The following PIK3C2G variants were observed in gnomAD, a reference collection of about 807,000 sequenced individuals.
PIK3C2G encodes phosphatidylinositol-4-phosphate 3-kinase catalytic subunit type 2 gamma, also known as phosphatidylinositol 3-kinase C2 domain-containing subunit gamma.
PIK3C2G carries 168 observed loss-of-function variants against 181.1 expected under a neutral mutation model. The observed-to-expected ratio is 0.93, with a 90% confidence interval of 0.82 to 1.05. The LOEUF is 1.05. Among genes scored for constraint, PIK3C2G ranks in the 50% least tolerant of loss-of-function variants. The pLI, the probability that PIK3C2G is intolerant of heterozygous loss-of-function variation, is 0.00. For missense variants in PIK3C2G, 1,869 were observed against 1,732.8 expected, an observed-to-expected ratio of 1.08 and a Z score of -1.40; for synonymous variants, 573 against 592.2, an observed-to-expected ratio of 0.97 and a Z score of 0.47.
intron 30 of PIK3C2G, among the ~76,000 whole-genome samples, chr12:18,600,424 T>C (rs115711146): frequency 0.012 from 1,896 of 152,046 alleles, 50 homozygotes; most frequent in African/African-American, 0.043. Flanking sequence ...CAGAGGAATA[T>C]TGGAATAAAA....
At chr12:18,262,410 T>C (rs1024197950) in intron 1 of PIK3C2G, among the ~76,000 whole-genome samples, 2 of 152,078 alleles carry the variant, frequency 1.3e-5, no homozygotes, top group Non-Finnish European at 2.9e-5. Context: ...AAAGAACACA[T>C]ACCCCTCATG....
At chr12:18,317,406 A>T (rs1049670716) in intron 6 of PIK3C2G, among the ~76,000 whole-genome samples, 2 of 152,154 alleles carry the variant, frequency 1.3e-5, no homozygotes, top group Admixed American at 6.5e-5. Flanking sequence ...ACTTCCAGGA[A>T]CTGGGATAAG....
At chr12:18,685,617 A>C in the PIK3C2G span, 7 of 516,404 alleles carry the variant, frequency 1.4e-5, no homozygotes, top group South Asian at 9.8e-5. Flanking sequence ...GAAATAGTAA[A>C]CTAATTGGCT....
chr12:18,319,832 G>T (rs538809691), intron 6 of PIK3C2G, among the ~76,000 whole-genome samples: 1 of 151,938 alleles, frequency 6.6e-6, no homozygotes, highest in Admixed American at 6.5e-5. Context: ...GAAAAAAATT[G>T]TCTTGTCACC....
At chr12:18,701,367 T>C in the PIK3C2G span, 1 of 1,467,762 alleles carries the variant, frequency 6.8e-7, no homozygotes, top group East Asian at 2.4e-5. Context: ...GTTTTCAAAG[T>C]AAATTGTAAA....
At chr12:18,608,847 G>C (rs2136590924) in intron 30 of PIK3C2G, among the ~76,000 whole-genome samples, 1 of 152,220 alleles carries the variant, frequency 6.6e-6, no homozygotes, top group East Asian at 1.9e-4. Context: ...TCTTATGAAA[G>C]TTGTCGTCTG....
the PIK3C2G span, among the ~76,000 whole-genome samples, chr12:18,723,792 G>C: frequency 6.6e-6 from 1 of 152,042 alleles, no homozygotes; most frequent in Admixed American, 6.6e-5. Flanking sequence ...GAGGATTCCA[G>C]GTTGTCTTTC....
intron 21 of PIK3C2G, 82 bp downstream of exon 21, chr12:18,496,236 C>A: frequency 1.2e-6 from 1 of 823,852 alleles, no homozygotes; most frequent in Non-Finnish European, 1.9e-6. Context: ...ATTGTTGTGG[C>A]TATTTTCCTC....
At chr12:18,677,551 T>C in the PIK3C2G span, among the ~76,000 whole-genome samples, 1 of 152,028 alleles carries the variant, frequency 6.6e-6, no homozygotes, top group African/African-American at 2.4e-5. Flanking sequence ...TCCCCTATGC[T>C]GTTTTCACTG....
chr12:18,644,098 C>G (rs1362763085), intron 32 of PIK3C2G, among the ~76,000 whole-genome samples: 1 of 152,084 alleles, frequency 6.6e-6, no homozygotes, highest in East Asian at 1.9e-4. Context: ...GAGTCTCCAC[C>G]CTTCCCATAC....
chr12:18,423,199 C>T (rs750985714), intron 17 of PIK3C2G, among the ~76,000 whole-genome samples: 1 of 151,354 alleles, frequency 6.6e-6, no homozygotes, highest in South Asian at 2.1e-4. Context: ...GTTTATCAAA[C>T]AACTAAAGAT....
intron 32 of PIK3C2G, among the ~76,000 whole-genome samples, chr12:18,644,369 T>C (rs752749401): frequency 1.7e-4 from 26 of 152,118 alleles, no homozygotes; most frequent in Non-Finnish European, 3.8e-4. Flanking sequence ...AAAACCATCA[T>C]TTTTCACACA....
At chr12:18,407,887 G>A (rs77174542) in intron 16 of PIK3C2G, among the ~76,000 whole-genome samples, 1 of 152,198 alleles carries the variant, frequency 6.6e-6, no homozygotes, top group South Asian at 2.1e-4. Flanking sequence ...GAAGTCCAGG[G>A]GAGGAGTACA....
chr12:18,701,995 G>A, the PIK3C2G span, among the ~76,000 whole-genome samples: 1 of 152,170 alleles, frequency 6.6e-6, no homozygotes, highest in East Asian at 1.9e-4. Flanking sequence ...AGCCTGTTAT[G>A]ATTGAGACTT....
intron 31 of PIK3C2G, among the ~76,000 whole-genome samples, chr12:18,618,419 A>C (rs772515588): frequency 2.4e-4 from 36 of 152,342 alleles, no homozygotes; most frequent in Non-Finnish European, 4.4e-4. Flanking sequence ...TTTAACTGAG[A>C]TTTGAACACC....
chr12:18,362,773 G>A lies in PIK3C2G; in HGVS notation c.1635G>A (p.Ala545=), dbSNP rs577084200. The change falls in exon 12 of 33, where the codon GCG becomes GCA. Residue 545 remains alanine (A), a synonymous_variant. Coordinates refer to ENST00000538779, the MANE Select transcript of PIK3C2G (RefSeq NM_001288772.2). ...TGTTGTTTCATTTTAGCTACAAAGC[G>A]TTTTCTTTTACCTGTTGGCTTACAT... is the stretch of plus-strand genomic sequence containing the variant. The part of the protein sequence containing the change: ...IPETWVHSYK[A]FSFTCWLTYA... 292 of 1,516,992 alleles carry A rather than the reference G, an allele frequency of 1.9e-4. No homozygotes were observed. The highest frequency in any genetic ancestry group is 4.2e-4 in the East Asian group (17 of 40,540). The allele number at this position is 1,516,992 out of a possible 1,614,324, so 94.0% of individuals were successfully genotyped here. A position where few individuals can be genotyped will look rare whatever the true frequency, so the allele number is the denominator to read the frequency against.
At chr12:18,659,663 CTTT>C in the PIK3C2G span, among the ~76,000 whole-genome samples, 2 of 133,824 alleles carry the variant, frequency 1.5e-5, no homozygotes, top group African/African-American at 2.7e-5. Context: ...GTTCTCCATT[CTTT>C]TTTTTTTTTT....
intron 18 of PIK3C2G, among the ~76,000 whole-genome samples, chr12:18,433,635 T>C (rs906870822): frequency 1.3e-5 from 2 of 152,236 alleles, no homozygotes; most frequent in Non-Finnish European, 2.9e-5. Context: ...TAGACTCACT[T>C]TGTACTTATT....
At chr12:18,243,194 C>CTGTGTG (rs71440357), upstream of PIK3C2G, among the ~76,000 whole-genome samples, 468 of 148,322 alleles carry the variant, frequency 3.2e-3, 2 homozygotes, top group African/African-American at 9.9e-3. Flanking sequence ...TAAAGTCTTT[C>CTGTGTG]TGTGTGTGTG....
Sources: gnomAD v4.1 joint callset for allele counts (sites outside exome capture counted in the v4.1 genomes callset) on GRCh38, gnomAD v4.1.1 for gene constraint, MANE v1.5 for transcripts, NCBI Gene and HGNC (gene_info 2026-07-23, HGNC 2026-07-21) for gene names.